ECE1: variants seen among roughly 807,000 people sequenced by gnomAD.
ECE1 encodes the protein endothelin converting enzyme 1, also known as endothelin-converting enzyme 1.
A neutral mutation model predicts 98.6 loss-of-function variants in ECE1; 35 were observed. The ratio of observed to expected loss-of-function variants is 0.35; its 90% confidence interval spans 0.27 to 0.47. The LOEUF (loss-of-function observed/expected upper bound fraction) is 0.47, where lower values mean the gene tolerates loss of function less well. Among genes scored for constraint, ECE1 ranks in the 20% least tolerant of loss-of-function variants. The pLI is 1.00. For synonymous variants in ECE1, 394 were observed against 407.1 expected (o/e 0.97, Z 0.39); for missense variants, 814 against 1,025.3 (o/e 0.79, Z 2.81).
intron 1 of ECE1, among the ~76,000 whole-genome samples, chr1:21,297,290 C>A (rs1051032785): frequency 6.6e-6 from 1 of 152,166 alleles, no homozygotes; most frequent in Non-Finnish European, 1.5e-5. Context: ...CATGCCCAAG[C>A]CCCAAACCTG....
chr1:21,279,193 G>A lies in ECE1; in HGVS notation c.278C>T (p.Thr93Ile). 6.2e-7 allele frequency: 1 copy of A among 1,614,186 alleles called. No individual in the cohort carries two copies. Among genetic ancestry groups the A allele is most frequent in the Admixed American group, 1.7e-5 (1 of 60,022 alleles). ...CCATGCAACACGAAGGCACCTACTT[G>A]TCTGGTACTGGATGCCCAGTGCTGC... ...CLAALGIQYQ[T>I]RSPSVCLSEA... The change falls in exon 3 of 19, where the codon ACA (threonine) becomes ATA (isoleucine). Residue 93 changes from threonine (T) to isoleucine (I), a missense_variant and splice_region_variant. This residue lies in a region of ECE1 where 257 missense variants were observed against 278.9 expected (regional missense o/e 0.92). Coordinates refer to ENST00000374893, the MANE Select transcript of ECE1 (RefSeq NM_001397.3).
chr1:21,259,773 A>C (rs2098224412), intron 5 of ECE1, among the ~76,000 whole-genome samples: 1 of 152,164 alleles, frequency 6.6e-6, no homozygotes, highest in Non-Finnish European at 1.5e-5. Flanking sequence ...GAAAGCAAGA[A>C]AGATGTCTTC....
Position 21,260,965 on chromosome 1 carries a change from C to T in ECE1, c.494-573G>A, listed in dbSNP as rs1331078082. Among the ~76,000 whole-genome samples the T allele has an allele frequency of 2.0e-5, 3 of 152,240 alleles. No homozygotes were observed. Among genetic ancestry groups the T allele is most frequent in the Non-Finnish European group, 4.4e-5 (3 of 68,034 alleles). ...AACTCCAGCAAGCAGCATCTCCCTC[C>T]TGCAGTGGCTTCTCAGACCTTACCC... On this transcript the variant is annotated intron_variant, in intron 4 of 18. Transcript: ENST00000374893. This position sits in a 1 kb window ranked among gnomAD's most constrained non-coding sequence, Gnocchi z 4.3.
At chr1:21,279,968 A>G (rs1184657305) in intron 2 of ECE1, 4 of 155,150 alleles carry the variant, frequency 2.6e-5, no homozygotes, top group Admixed American at 2.5e-4. Context: ...AGTGGATCAG[A>G]GGTGGATCCT....
chr1:21,286,019 G>A (rs907442636), intron 2 of ECE1, among the ~76,000 whole-genome samples: 5 of 149,278 alleles, frequency 3.3e-5, no homozygotes, highest in Non-Finnish European at 5.9e-5. Context: ...GAGAAGAGAA[G>A]AGAGCCCTGT....
intron 1 of ECE1, among the ~76,000 whole-genome samples, chr1:21,335,631 C>A (rs1176148942): frequency 6.6e-6 from 1 of 152,182 alleles, no homozygotes. Context: ...CCAGGGTGGA[C>A]AGAGTCGCAG....
In ECE1 at chr1:21,342,617, C is replaced by T. The variant is rs867296888; in HGVS notation, c.3+2759G>A. 3.0e-3 allele frequency among the ~76,000 whole-genome samples: 370 copies of T among 124,310 alleles called. 6 individuals are homozygous for T. The highest frequency in any genetic ancestry group is 0.017 in the South Asian group (82 of 4,690). The allele number at this position is 124,310 out of a possible 152,430, so 81.6% of individuals were successfully genotyped here. On this transcript the variant is annotated intron_variant, in intron 1 of 18. Transcript: ENST00000415912. The stretch of plus-strand genomic sequence containing the variant: ...ACAGACACACACAGATACACACACA[C>T]ACACACACACACACACACACACACA...
At chr1:21,344,158 C>G (rs1442179088) in intron 1 of ECE1, among the ~76,000 whole-genome samples, 1 of 151,950 alleles carries the variant, frequency 6.6e-6, no homozygotes, top group Non-Finnish European at 1.5e-5. Context: ...GAGAAGAGGC[C>G]TTGGAAGGGA....
At chr1:21,254,822 C>T (rs1233507800) in intron 8 of ECE1, among the ~76,000 whole-genome samples, 1 of 152,182 alleles carries the variant, frequency 6.6e-6, no homozygotes, top group African/African-American at 2.4e-5. Context: ...AGCTGAAGGG[C>T]AGCCAGCACC....
chr1:21,231,818 T>C (rs1055230706), intron 14 of ECE1, among the ~76,000 whole-genome samples: 18 of 152,348 alleles, frequency 1.2e-4, no homozygotes, highest in Non-Finnish European at 2.2e-4. Context: ...TTCACCATGT[T>C]GCCCAGGCTG....
intron 4 of ECE1, among the ~76,000 whole-genome samples, chr1:21,264,650 C>T (rs905393053): frequency 1.1e-4 from 16 of 152,324 alleles, no homozygotes; most frequent in Admixed American, 7.8e-4. Context: ...CTCTATATCA[C>T]GCATCCCCAA....
Position 21,330,187 on chromosome 1 carries a change from T to C in ECE1, c.3+15189A>G, listed in dbSNP as rs537059387. 2.1e-5 allele frequency among the ~76,000 whole-genome samples: 3 copies of C among 143,932 alleles called. No homozygotes were observed. In the East Asian group the frequency reaches 6.0e-4, roughly 29 times the overall value. 94.4% of individuals were successfully genotyped at this position (143,932 alleles called of 152,430 possible). ...CAGAGTCTCCCAGGTCCTATTCCTCTGGGCCTTTAAAGGCTCCTGCCCACA... is the reference window on the plus strand; with the variant it reads ...CAGAGTCTCCCAGGTCCTATTCCTCCGGGCCTTTAAAGGCTCCTGCCCACA... On this transcript the variant is annotated intron_variant, in intron 1 of 18. Transcript: ENST00000415912.
intron 12 of ECE1, 130 bp from the exon 13 acceptor site, chr1:21,236,057 A>G (rs1334155298): frequency 1.2e-6 from 1 of 869,552 alleles, no homozygotes; most frequent in Non-Finnish European, 2.0e-6. Context: ...TTGGGCTTTC[A>G]TGTCTTTTTC....
rs1017541053 is a variant in ECE1 at position 21,273,383 on chromosome 1, A to C, written c.281-472T>G. On this transcript the variant is annotated intron_variant, in intron 3 of 18. Coordinates refer to ENST00000374893, the MANE Select transcript of ECE1 (RefSeq NM_001397.3). Reference sequence around the variant, plus strand: ...TGTGTGTGTGTGTGTGTGTGTGTGTAGGGTACTGGGGTATTGGGCATAAAA... The same window carrying C: ...TGTGTGTGTGTGTGTGTGTGTGTGTCGGGTACTGGGGTATTGGGCATAAAA... Among the ~76,000 whole-genome samples the C allele has an allele frequency of 8.1e-4, 91 of 112,302 alleles. No individual in the cohort carries two copies. In the East Asian group the frequency reaches 0.024, roughly 29 times the overall value. The allele number at this position is 112,302 out of a possible 152,430, so 73.7% of individuals were successfully genotyped here. A position where few individuals can be genotyped will look rare whatever the true frequency, so the allele number is the denominator to read the frequency against.
chr1:21,288,247 C>T (rs2098262770), intron 2 of ECE1, among the ~76,000 whole-genome samples: 1 of 152,234 alleles, frequency 6.6e-6, no homozygotes, highest in South Asian at 2.1e-4. Context: ...CCAGGAATGT[C>T]TCTAACCTCT....
Position 21,235,823 on chromosome 1 carries a change from C to T in ECE1, c.1566+27G>A. On this transcript the variant is annotated intron_variant, in intron 13 of 18. Transcript: ENST00000374893. This position sits in a 1 kb window ranked among gnomAD's most constrained non-coding sequence, Gnocchi z 4.2. ...TTTTCTAAGGGGGCATTTAGGAACGCAAGGGGGCAGGGCAGCAGCTACTCA... is the reference window on the plus strand; with the variant it reads ...TTTTCTAAGGGGGCATTTAGGAACGTAAGGGGGCAGGGCAGCAGCTACTCA... The T allele has an allele frequency of 6.2e-7, 1 of 1,613,280 alleles. No homozygotes were observed. Among genetic ancestry groups the T allele is most frequent in the Non-Finnish European group, 8.5e-7 (1 of 1,179,180 alleles).
chr1:21,258,911 C>T lies in ECE1; in HGVS notation c.616-72G>A, dbSNP rs1048168602. 2.8e-5 allele frequency: 45 copies of T among 1,589,856 alleles called. No individual in the cohort carries two copies. The highest frequency in any genetic ancestry group is 9.1e-5 in the East Asian group (4 of 43,942). On this transcript the variant is annotated intron_variant, in intron 5 of 18. Coordinates refer to ENST00000374893, the MANE Select transcript of ECE1 (RefSeq NM_001397.3). The surrounding 1 kb of genome is among the most constrained non-coding windows in gnomAD (Gnocchi z 4.2). ...ACCCAGATGTGAATTCTGGTTCTGC[C>T]GCTGACTTGCTCTGTGACCCTGGAG... is the stretch of plus-strand genomic sequence containing the variant.
chr1:21,260,816 A>T lies in ECE1; in HGVS notation c.494-424T>A, dbSNP rs1379166625. On this transcript the variant is annotated intron_variant, in intron 4 of 18. Coordinates refer to ENST00000374893, the MANE Select transcript of ECE1 (RefSeq NM_001397.3). This position sits in a 1 kb window ranked among gnomAD's most constrained non-coding sequence, Gnocchi z 4.3. ...TGATCTTTCTTGTGATAAAGACTGA[A>T]GTTGGATGGAAACTCAAAAGGCTCA... Among the ~76,000 whole-genome samples, 2 of 152,184 alleles carry T rather than the reference A, an allele frequency of 1.3e-5. No homozygotes were observed. The highest frequency in any genetic ancestry group is 4.8e-5 in the African/African-American group (2 of 41,442).
intron 1 of ECE1, chr1:21,299,071 C>G (rs1638431133): frequency 2.9e-6 from 1 of 350,354 alleles, no homozygotes; most frequent in African/African-American, 2.1e-5. Context: ...ATGTGCTGAT[C>G]TAATCACGTA....
Sources: allele counts gnomAD v4.1 joint callset (sites outside exome capture counted in the v4.1 genomes callset), GRCh38; gene constraint gnomAD v4.1.1; regional missense constraint gnomAD v4.1.1; non-coding constraint Gnocchi (gnomAD v3.1); transcripts MANE v1.5; gene names NCBI Gene and HGNC (gene_info 2026-07-23, HGNC 2026-07-21).